Variants in NRXN3 observed in about 807,000 individuals in gnomAD.
NRXN3 encodes neurexin III.
Under a neutral mutation model 137.6 loss-of-function variants are expected in NRXN3, and 32 were observed. That is an observed-to-expected ratio of 0.23 (90% CI 0.18 to 0.31). The LOEUF (loss-of-function observed/expected upper bound fraction) is 0.31, where lower values mean the gene tolerates loss of function less well. Among genes scored for constraint, NRXN3 ranks in the 10% least tolerant of loss-of-function variants. The probability of loss-of-function intolerance (pLI) is 1.00; values close to 1 mark genes in which losing one functional copy is unlikely to be tolerated. For missense variants in NRXN3, 1,574 were observed against 2,062.5 expected, an observed-to-expected ratio of 0.76 and a Z score of 4.59; for synonymous variants, 798 against 784.5, an observed-to-expected ratio of 1.02 and a Z score of -0.29.
intron 19 of NRXN3, among the ~76,000 whole-genome samples, chr14:79,749,278 G>T (rs938927355): frequency 6.6e-6 from 1 of 152,060 alleles, no homozygotes; most frequent in African/African-American, 2.4e-5. Flanking sequence ...GGGGTGTGGG[G>T]CTGCTTCACT....
chr14:78,850,644 A>G (rs564225827), intron 10 of NRXN3, among the ~76,000 whole-genome samples: 1 of 152,160 alleles, frequency 6.6e-6, no homozygotes, highest in Non-Finnish European at 1.5e-5. Context: ...ATTTCTGGTT[A>G]TAGCCTTGTA....
chr14:78,840,269 T>A (rs2099008591), intron 10 of NRXN3, among the ~76,000 whole-genome samples: 1 of 152,198 alleles, frequency 6.6e-6, no homozygotes. Flanking sequence ...TGTTTTAAGT[T>A]CTGTTACCTG....
intron 15 of NRXN3, among the ~76,000 whole-genome samples, chr14:78,992,777 T>C (rs2099521526): frequency 6.6e-6 from 1 of 152,158 alleles, no homozygotes; most frequent in African/African-American, 2.4e-5. Flanking sequence ...CTGTTTTGAG[T>C]GGCATACAAT....
At chr14:79,188,943 T>A (rs971924780) in intron 15 of NRXN3, among the ~76,000 whole-genome samples, 1 of 152,166 alleles carries the variant, frequency 6.6e-6, no homozygotes, top group Non-Finnish European at 1.5e-5. Context: ...TCGGTGGGAC[T>A]GTAAACTAGT....
At chr14:78,579,825 A>G (rs926427539) in intron 4 of NRXN3, among the ~76,000 whole-genome samples, 7 of 152,182 alleles carry the variant, frequency 4.6e-5, no homozygotes, top group Non-Finnish European at 1.0e-4. Context: ...TAACTAGCCT[A>G]GTTCCTGAGA....
intron 1 of NRXN3, among the ~76,000 whole-genome samples, chr14:78,216,258 G>T (rs2063271273): frequency 6.6e-6 from 1 of 151,800 alleles, no homozygotes; most frequent in Non-Finnish European, 1.5e-5. Context: ...CTTTTCTTTG[G>T]TCCAGGTGTG....
At position 79,386,647 on chromosome 14, in the gene NRXN3, C is replaced by A. The variant is rs1247372877; in HGVS notation, c.3263-80574C>A. On this transcript the variant is annotated intron_variant, in intron 15 of 20. Transcript: ENST00000335750. ...AAAAAGGAGCCCACATTGCCAAGTC[C>A]ATCCTAAGCCAAAAGAACAAAGCTG... Among the ~76,000 whole-genome samples the A allele has an allele frequency of 3.3e-5, 5 of 152,198 alleles. No individual in the cohort carries two copies. The South Asian group carries it at 8.3e-4, about 25-fold the overall frequency.
rs186201901 is a variant in NRXN3 at position 79,811,471 on chromosome 14, A to G, written c.4093+6281A>G. On this transcript the variant is annotated intron_variant, in intron 20 of 20. Transcript: ENST00000335750. ...ATTTTTCAACCGCCTTCATTGATCT[A>G]TAAATGAATATAGTATGTTCATGGG... Among the ~76,000 whole-genome samples, 36 of 152,240 alleles carry G rather than the reference A, an allele frequency of 2.4e-4. No homozygotes were observed. The East Asian group carries it at 5.6e-3, about 24-fold the overall frequency.
intron 16 of NRXN3, among the ~76,000 whole-genome samples, chr14:79,658,280 A>G (rs1385887501): frequency 6.6e-6 from 1 of 152,176 alleles, no homozygotes; most frequent in African/African-American, 2.4e-5. Flanking sequence ...CTGAGCACCT[A>G]TTCTGTCCAT....
At chr14:78,955,835 A>T (rs560114574) in intron 10 of NRXN3, among the ~76,000 whole-genome samples, 15 of 152,322 alleles carry the variant, frequency 9.8e-5, no homozygotes, top group Admixed American at 3.3e-4. Flanking sequence ...CTAGAGATTT[A>T]TATTCCCCTG....
intron 16 of NRXN3, among the ~76,000 whole-genome samples, chr14:79,588,290 T>C (rs2097777355): frequency 6.6e-6 from 1 of 152,190 alleles, no homozygotes; most frequent in Admixed American, 6.5e-5. Flanking sequence ...ATTGTTATGG[T>C]CATATAAATG....
intron 10 of NRXN3, among the ~76,000 whole-genome samples, chr14:78,845,217 C>G (rs1022592453): frequency 6.6e-6 from 1 of 151,980 alleles, no homozygotes; most frequent in Non-Finnish European, 1.5e-5. Flanking sequence ...ATCTGCAAGT[C>G]AAAACACTCA....
chr14:79,849,748 T>C (rs767071574), intron 20 of NRXN3, among the ~76,000 whole-genome samples: 1 of 152,222 alleles, frequency 6.6e-6, no homozygotes, highest in Non-Finnish European at 1.5e-5. Context: ...ATGCCTTTTC[T>C]GAGTATATAC....
At chr14:78,408,657 A>G (rs796579712) in intron 4 of NRXN3, among the ~76,000 whole-genome samples, 1 of 152,190 alleles carries the variant, frequency 6.6e-6, no homozygotes, top group Admixed American at 6.5e-5. Flanking sequence ...AGCCCACTCC[A>G]TAGGTGCCTC....
chr14:79,649,541 C>G (rs1433399518), intron 16 of NRXN3, among the ~76,000 whole-genome samples: 1 of 147,576 alleles, frequency 6.8e-6, no homozygotes, highest in African/African-American at 2.5e-5. Flanking sequence ...ATTCTCTAAG[C>G]TGTAGCATGT....
intron 16 of NRXN3, among the ~76,000 whole-genome samples, chr14:79,508,069 C>A (rs1601406329): frequency 6.6e-6 from 1 of 152,014 alleles, no homozygotes; most frequent in African/African-American, 2.4e-5. Context: ...TATTTGGGCT[C>A]TATTTTGGGC....
intron 4 of NRXN3, among the ~76,000 whole-genome samples, chr14:78,637,696 C>G (rs1346276469): frequency 6.6e-6 from 1 of 152,258 alleles, no homozygotes; most frequent in East Asian, 1.9e-4. Context: ...TTTCTCATCA[C>G]AGTTCATAAT....
In NRXN3 at chr14:79,505,778, C is replaced by T. The variant is rs542163908; in HGVS notation, c.3444+38376C>T. ...TATAGAAGTCTGGATGGATTAGGCACTTGATGTGTGTATTAGCTTTTGATT... is the reference window on the plus strand; with the variant it reads ...TATAGAAGTCTGGATGGATTAGGCATTTGATGTGTGTATTAGCTTTTGATT... On this transcript the variant is annotated intron_variant, in intron 16 of 20. Coordinates refer to ENST00000335750, the MANE Select transcript of NRXN3 (RefSeq NM_001330195.2). Among the ~76,000 whole-genome samples the T allele has an allele frequency of 3.3e-5, 5 of 152,264 alleles. No homozygotes were observed. In the South Asian group the frequency reaches 1.0e-3, roughly 32 times the overall value.
chr14:79,326,462 G>C (rs566889486), intron 15 of NRXN3, among the ~76,000 whole-genome samples: 2 of 152,166 alleles, frequency 1.3e-5, no homozygotes, highest in Non-Finnish European at 2.9e-5. Context: ...TGAATTCAGA[G>C]ACATCTCACC....
Sources: gnomAD v4.1 joint callset for allele counts (sites outside exome capture counted in the v4.1 genomes callset) on GRCh38, gnomAD v4.1.1 for gene constraint, MANE v1.5 for transcripts, NCBI Gene and HGNC (gene_info 2026-07-23, HGNC 2026-07-21) for gene names.